The following PCDHGA3 variants were observed in gnomAD, a reference collection of about 807,000 sequenced individuals.
The protein encoded by PCDHGA3 is protocadherin gamma-A3.
PCDHGA3 carries 40 observed loss-of-function variants against 58.5 expected under a neutral mutation model. The ratio of observed to expected loss-of-function variants is 0.68; its 90% CI spans 0.53 to 0.89. PCDHGA3 has a LOEUF of 0.89. PCDHGA3 is among the 40% of genes least tolerant of loss of function. The pLI is 0.00. For synonymous variants in PCDHGA3, 530 were observed against 525.7 expected, an observed-to-expected ratio of 1.01 and a Z score of -0.11; for missense variants, 1,223 against 1,195.9, an observed-to-expected ratio of 1.02 and a Z score of -0.33.
At chr5:141,396,729 T>C (rs1197764011) in intron 1 of PCDHGA3, 1 of 152,214 alleles carries the variant, frequency 6.6e-6, no homozygotes, top group Non-Finnish European at 1.5e-5. Flanking sequence ...CCTGAATTGA[T>C]TGTTGTAAGG....
intron 1 of PCDHGA3, chr5:141,366,310 C>A: frequency 6.2e-7 from 1 of 1,613,772 alleles, no homozygotes; most frequent in East Asian, 2.2e-5. Flanking sequence ...CCTTCACGGT[C>A]ACCGTTGCCG....
rs867643623 is a variant in PCDHGA3, at chr5:141,362,000, G to T, written c.2424+15543G>T. On this transcript the variant is annotated intron_variant, in intron 1 of 3. Coordinates refer to ENST00000253812, the MANE Select transcript of PCDHGA3 (RefSeq NM_018916.4). ...CCCGGGCTCTTCAGCCTGGGGTTGCGCACGGGTGAGGTGCGCACAGCGCGT... is the reference window on the plus strand; with the variant it reads ...CCCGGGCTCTTCAGCCTGGGGTTGCTCACGGGTGAGGTGCGCACAGCGCGT... The T allele has an allele frequency of 6.2e-7, 1 of 1,603,372 alleles. No individual in the cohort carries two copies. Among genetic ancestry groups the T allele is most frequent in the African/African-American group, 1.3e-5 (1 of 74,752 alleles).
chr5:141,469,370 A>T (rs1453825795), intron 1 of PCDHGA3, among the ~76,000 whole-genome samples: 1 of 152,106 alleles, frequency 6.6e-6, no homozygotes, highest in Non-Finnish European at 1.5e-5. Flanking sequence ...AGGTAAAGAG[A>T]TCGAGACCAT....
In PCDHGA3 at chr5:141,499,676, C is replaced by G. The variant is rs534287777; in HGVS notation, c.2483+4811C>G. On this transcript the variant is annotated intron_variant, in intron 2 of 3. Coordinates refer to ENST00000253812, the MANE Select transcript of PCDHGA3 (RefSeq NM_018916.4). Reference sequence around the variant, plus strand: ...ATAATTTCATCTTGGTCTCCACCATCTTTAACAGATGACTTTTTTTTTTTT... The same window carrying G: ...ATAATTTCATCTTGGTCTCCACCATGTTTAACAGATGACTTTTTTTTTTTT... Among the ~76,000 whole-genome samples, 13 of 144,474 alleles carry G rather than the reference C, an allele frequency of 9.0e-5. No homozygotes were observed. In the South Asian group the frequency reaches 2.9e-3, roughly 33 times the overall value. The allele number at this position is 144,474 out of a possible 152,430, so 94.8% of individuals were successfully genotyped here.
At chr5:141,504,340 G>C (rs1240423982) in intron 2 of PCDHGA3, among the ~76,000 whole-genome samples, 1 of 152,062 alleles carries the variant, frequency 6.6e-6, no homozygotes, top group Non-Finnish European at 1.5e-5. Flanking sequence ...CAAGTGCTAG[G>C]CTTTGTGCTA....
In PCDHGA3 at chr5:141,432,513, G is replaced by T. The variant is rs755227021; in HGVS notation, c.2425-62294G>T. On this transcript the variant is annotated intron_variant, in intron 1 of 3. Coordinates refer to ENST00000253812, the MANE Select transcript of PCDHGA3 (RefSeq NM_018916.4). The surrounding 1 kb of genome is among the most constrained non-coding windows in gnomAD (Gnocchi z 6.0). ...CTGGCTCCCCGCTCCGCAGAGCCCG[G>T]CTACCTGGTGACCAAGGTGGTGGCG... The T allele has an allele frequency of 3.1e-6, 5 of 1,614,102 alleles. No individual in the cohort carries two copies. Among genetic ancestry groups the T allele is most frequent in the African/African-American group, 2.7e-5 (2 of 75,062 alleles).
chr5:141,371,913 G>T (rs569737317), intron 1 of PCDHGA3: 1 of 1,613,394 alleles, frequency 6.2e-7, no homozygotes, highest in African/African-American at 1.3e-5. Flanking sequence ...CTACGTGTCC[G>T]TGAGCGCGCG....
rs982627903 is a variant in PCDHGA3, at chr5:141,421,421, T to C, written c.2425-73386T>C. ...CCCCGGGAGCTGGCGAAGCGCGGAGTCCGCATCGTCTCCAGAGGGAAGACA... is the reference window on the plus strand; with the variant it reads ...CCCCGGGAGCTGGCGAAGCGCGGAGCCCGCATCGTCTCCAGAGGGAAGACA... On this transcript the variant is annotated intron_variant, in intron 1 of 3. Coordinates refer to ENST00000253812, the MANE Select transcript of PCDHGA3 (RefSeq NM_018916.4). The C allele has an allele frequency of 6.2e-7, 1 of 1,613,994 alleles. No individual in the cohort carries two copies. The highest frequency in any genetic ancestry group is 1.3e-5 in the African/African-American group (1 of 75,052).
intron 1 of PCDHGA3, chr5:141,374,825 C>T: frequency 1.2e-6 from 2 of 1,613,896 alleles, no homozygotes; most frequent in Non-Finnish European, 1.7e-6. Context: ...GCCTGTCTAC[C>T]GTGTAAGTGT....
chr5:141,361,243 A>G, intron 1 of PCDHGA3: 2 of 1,614,012 alleles, frequency 1.2e-6, no homozygotes, highest in Non-Finnish European at 1.7e-6. Context: ...CGCCTTGATA[A>G]AAACGAGAGA....
chr5:141,390,764 G>T, intron 1 of PCDHGA3: 2 of 165,996 alleles, frequency 1.2e-5, no homozygotes, highest in Non-Finnish European at 2.6e-5. Flanking sequence ...TTTGTTTCCT[G>T]TGTTAACTTC....
chr5:141,460,791 C>A (rs2098997892), intron 1 of PCDHGA3, among the ~76,000 whole-genome samples: 1 of 151,666 alleles, frequency 6.6e-6, no homozygotes, highest in Non-Finnish European at 1.5e-5. Context: ...TATATACACA[C>A]AAAGTATATA....
At position 141,477,226 on chromosome 5, in the gene PCDHGA3, C is replaced by G. The variant is rs779570150; in HGVS notation, c.2425-17581C>G. 59 of 1,614,076 alleles carry G rather than the reference C, an allele frequency of 3.7e-5. No homozygotes were observed. The highest frequency in any genetic ancestry group is 1.3e-4 in the Admixed American group (8 of 60,004). On this transcript the variant is annotated intron_variant, in intron 1 of 3. Coordinates refer to ENST00000253812, the MANE Select transcript of PCDHGA3 (RefSeq NM_018916.4). This position sits in a 1 kb window ranked among gnomAD's most constrained non-coding sequence, Gnocchi z 4.9. ...CCGAGGATGCCCCTCTGGGGACTGT[C>G]ATCGCTTTGCTCAGTGTGACTGACC...
chr5:141,410,579 G>A (rs760249748), intron 1 of PCDHGA3: 17 of 1,610,792 alleles, frequency 1.1e-5, no homozygotes, highest in Non-Finnish European at 1.4e-5. Context: ...TCCACCTCAT[G>A]GTGGGGAGGA....
At chr5:141,376,356 C>T in intron 1 of PCDHGA3, 1 of 1,614,228 alleles carries the variant, frequency 6.2e-7, no homozygotes, top group South Asian at 1.1e-5. Flanking sequence ...CACGAGGTCT[C>T]ACTCACTGCA....
chr5:141,425,763 G>A (rs959881638), intron 1 of PCDHGA3, among the ~76,000 whole-genome samples: 3 of 152,164 alleles, frequency 2.0e-5, no homozygotes, highest in Non-Finnish European at 4.4e-5. Context: ...TCTACAACAG[G>A]AGAGAAGACT....
Position 141,345,530 on chromosome 5 carries a change from G to T in PCDHGA3, c.1497G>T (p.Ala499=). 6.2e-7 allele frequency: 1 copy of T among 1,614,090 alleles called. No homozygotes were observed. The stretch of plus-strand genomic sequence containing the variant: ...TGACCGAGGACACTCTCCAGGGGGC[G>T]CCCCTGTCCTCCTTCGTCTCTATCA... ...YALTEDTLQG[A]PLSSFVSINS... is the part of the protein sequence containing the mutation. The change falls in exon 1 of 4, where the codon GCG becomes GCT. Residue 499 remains alanine (A), a synonymous_variant. Coordinates refer to ENST00000253812, the MANE Select transcript of PCDHGA3 (RefSeq NM_018916.4).
At position 141,345,786 on chromosome 5, in the gene PCDHGA3, G is replaced by C. The variant is rs760333566; in HGVS notation, c.1753G>C (p.Gly585Arg). 10 of 1,613,976 alleles carry C rather than the reference G, an allele frequency of 6.2e-6. No individual in the cohort carries two copies. Among genetic ancestry groups the C allele is most frequent in the South Asian group, 3.3e-5 (3 of 91,064 alleles). Residue 585 changes from glycine (G) to arginine (R), a missense_variant, in exon 1 of 4, where the codon GGC (glycine) becomes CGC (arginine). By Grantham distance (125) the Gly-to-Arg change is moderately radical. This residue lies in a region of PCDHGA3 where 107 missense variants were observed against 159.8 expected (regional missense o/e 0.67). Coordinates refer to ENST00000253812, the MANE Select transcript of PCDHGA3 (RefSeq NM_018916.4). ...GCTGGCGCCTCGCTCCGCAGAGCCCGGCTACCTGGTGACCAAGGTGGTGGC... is the reference window on the plus strand; with the variant it reads ...GCTGGCGCCTCGCTCCGCAGAGCCCCGCTACCTGGTGACCAAGGTGGTGGC... ...VELAPRSAEPGYLVTKVVAVD... is the reference protein window; with the variant it reads ...VELAPRSAEPRYLVTKVVAVD...
intron 2 of PCDHGA3, among the ~76,000 whole-genome samples, chr5:141,500,508 C>T (rs2099801020): frequency 6.6e-6 from 1 of 152,078 alleles, no homozygotes; most frequent in African/African-American, 2.4e-5. Context: ...CGCGCCTGGC[C>T]GAGCTTCATT....
Sources: allele counts gnomAD v4.1 joint callset (sites outside exome capture counted in the v4.1 genomes callset), GRCh38; gene constraint gnomAD v4.1.1; regional missense constraint gnomAD v4.1.1; non-coding constraint Gnocchi (gnomAD v3.1); transcripts MANE v1.5; gene names NCBI Gene and HGNC (gene_info 2026-07-23, HGNC 2026-07-21).